MAML2: variants seen among roughly 807,000 people sequenced by gnomAD.
The protein encoded by MAML2 is mastermind like transcriptional coactivator 2.
MAML2 carries 22 observed loss-of-function variants against 96.1 expected under a neutral mutation model. That is an observed-to-expected ratio of 0.23 (90% CI 0.16 to 0.33). MAML2 has a LOEUF of 0.33. Among genes scored for constraint, MAML2 ranks in the 10% least tolerant of loss-of-function variants. MAML2 has a pLI of 1.00. For missense variants in MAML2, 1,367 were observed against 1,392.4 expected (o/e 0.98, Z 0.29); for synonymous variants, 561 against 521.3 (o/e 1.08, Z -1.04).
chr11:95,985,217 A>C (rs1017929041), intron 4 of MAML2, among the ~76,000 whole-genome samples: 1 of 152,194 alleles, frequency 6.6e-6, no homozygotes, highest in African/African-American at 2.4e-5. Flanking sequence ...ATGTCTGCTT[A>C]CCTTCTACTA....
At chr11:96,144,068 A>C (rs1057124622) in intron 1 of MAML2, among the ~76,000 whole-genome samples, 2 of 152,206 alleles carry the variant, frequency 1.3e-5, no homozygotes, top group African/African-American at 4.8e-5. Flanking sequence ...AGTTTATAGG[A>C]GTCTAATAAT....
chr11:96,212,976 G>A (rs1363934992), intron 1 of MAML2, among the ~76,000 whole-genome samples: 2 of 152,146 alleles, frequency 1.3e-5, no homozygotes, highest in African/African-American at 4.8e-5. Flanking sequence ...TTACAATTAG[G>A]AGGAATGGGT....
chr11:96,040,929 CTTCT>C (rs1858797418), intron 2 of MAML2, among the ~76,000 whole-genome samples: 1 of 152,154 alleles, frequency 6.6e-6, no homozygotes, highest in African/African-American at 2.4e-5. Context: ...TTTAATCAGG[CTTCT>C]TTCTCTTCAA....
chr11:96,308,577 A>G (rs1863497897), intron 1 of MAML2, among the ~76,000 whole-genome samples: 1 of 152,226 alleles, frequency 6.6e-6, no homozygotes. Flanking sequence ...CCTACTTTAG[A>G]CATAAAATAT....
chr11:96,165,989 T>C (rs1861182076), intron 1 of MAML2, among the ~76,000 whole-genome samples: 1 of 152,168 alleles, frequency 6.6e-6, no homozygotes, highest in African/African-American at 2.4e-5. Context: ...GAGGACACAG[T>C]CATCTTATGG....
At chr11:96,096,596 C>T (rs1859833897) in intron 1 of MAML2, among the ~76,000 whole-genome samples, 1 of 152,134 alleles carries the variant, frequency 6.6e-6, no homozygotes, top group African/African-American at 2.4e-5. Context: ...CACCCTAGGC[C>T]CTGACAGAGG....
intron 1 of MAML2, among the ~76,000 whole-genome samples, chr11:96,277,513 G>C (rs1231805092): frequency 6.6e-6 from 1 of 152,030 alleles, no homozygotes; most frequent in Non-Finnish European, 1.5e-5. Flanking sequence ...CTCTTTGGGA[G>C]GGCCGAGGCA....
At chr11:96,079,567 C>CACATAGATCTCATTTTCCTCA (rs1859499987) in intron 2 of MAML2, among the ~76,000 whole-genome samples, 1 of 152,182 alleles carries the variant, frequency 6.6e-6, no homozygotes, top group African/African-American at 2.4e-5. Context: ...AAAATTATTT[C>CACATAGATCTCATTTTCCTCA]TATTTCCTAG....
rs1565272381 is a variant in MAML2, at chr11:96,282,262, T to TA, written c.513+59120dup. ...AGACTCCATCTCAAAAAAAAAATAA[T>TA]AATAATAATAATAATAATGACTGCA... On this transcript the variant is annotated intron_variant, in intron 1 of 4. Transcript: ENST00000524717. Among the ~76,000 whole-genome samples the TA allele has an allele frequency of 4.1e-3, 585 of 143,556 alleles. 10 individuals are homozygous for TA. The highest frequency in any genetic ancestry group is 0.015 in the African/African-American group (553 of 37,482). 94.2% of individuals were successfully genotyped at this position (143,556 alleles called of 152,430 possible).
At chr11:96,235,459 T>A (rs1388824626) in intron 1 of MAML2, among the ~76,000 whole-genome samples, 4 of 152,182 alleles carry the variant, frequency 2.6e-5, no homozygotes, top group Admixed American at 6.5e-5. Context: ...AGAGGAATGA[T>A]TTCCCTCTTC....
intron 1 of MAML2, among the ~76,000 whole-genome samples, chr11:96,299,707 G>A (rs760462495): frequency 6.6e-6 from 1 of 152,176 alleles, no homozygotes; most frequent in Admixed American, 6.5e-5. Flanking sequence ...TTGTCCAAAC[G>A]CTCAGAGGCA....
At chr11:96,274,402 C>A (rs554941424) in intron 1 of MAML2, among the ~76,000 whole-genome samples, 2 of 152,192 alleles carry the variant, frequency 1.3e-5, no homozygotes, top group Non-Finnish European at 1.5e-5. Context: ...TAAAGGATTT[C>A]TCATCTTTTT....
At chr11:96,068,062 C>A (rs1382217354) in intron 2 of MAML2, among the ~76,000 whole-genome samples, 2 of 152,142 alleles carry the variant, frequency 1.3e-5, no homozygotes, top group African/African-American at 4.8e-5. Context: ...CACCCACTGA[C>A]ATTTCTGGTT....
intron 1 of MAML2, among the ~76,000 whole-genome samples, chr11:96,271,530 C>T (rs1344498082): frequency 1.3e-5 from 2 of 152,290 alleles, no homozygotes; most frequent in Non-Finnish European, 2.9e-5. Context: ...GGAGCAGTTA[C>T]CTCCATGCTG....
chr11:96,151,679 T>C (rs1311571729), intron 1 of MAML2, among the ~76,000 whole-genome samples: 2 of 152,174 alleles, frequency 1.3e-5, no homozygotes, highest in Non-Finnish European at 2.9e-5. Flanking sequence ...CTTTGTCCTG[T>C]TCCTGGCATG....
chr11:96,110,772 G>C (rs1348438183), intron 1 of MAML2, among the ~76,000 whole-genome samples: 1 of 152,174 alleles, frequency 6.6e-6, no homozygotes, highest in Non-Finnish European at 1.5e-5. Context: ...TGAGTGGGTT[G>C]AATGAAAATT....
chr11:96,004,169 G>T (rs543760544), intron 2 of MAML2, among the ~76,000 whole-genome samples: 1 of 152,118 alleles, frequency 6.6e-6, no homozygotes, highest in East Asian at 1.9e-4. Flanking sequence ...CATTCCTCTA[G>T]AAATATTTGG....
intron 2 of MAML2, among the ~76,000 whole-genome samples, chr11:96,044,039 C>T (rs991797033): frequency 6.6e-6 from 1 of 152,202 alleles, no homozygotes; most frequent in Middle Eastern, 3.2e-3. Context: ...GTACACAAAG[C>T]CAGAGGGAAA....
intron 1 of MAML2, among the ~76,000 whole-genome samples, chr11:96,113,732 G>A (rs1435214290): frequency 6.6e-6 from 1 of 152,026 alleles, no homozygotes; most frequent in African/African-American, 2.4e-5. Flanking sequence ...TGGCCCCTAG[G>A]GAACATAGAC....
Sources: gnomAD v4.1 joint callset for allele counts (sites outside exome capture counted in the v4.1 genomes callset) on GRCh38, gnomAD v4.1.1 for gene constraint, MANE v1.5 for transcripts, NCBI Gene and HGNC (gene_info 2026-07-23, HGNC 2026-07-21) for gene names.